The following SKIC8 variants were observed in gnomAD, a reference collection of about 807,000 sequenced individuals.
SKIC8 encodes superkiller complex protein 8.
chr15:78,288,520 C>G, the SKIC8 span: 2 of 768,180 alleles, frequency 2.6e-6, no homozygotes, highest in Non-Finnish European at 4.3e-6. Context: ...AGCAAGAGTT[C>G]TGATTGGGCC....
chr15:78,285,540 C>T, the SKIC8 span: 1 of 589,196 alleles, frequency 1.7e-6, no homozygotes, highest in South Asian at 2.0e-5. Flanking sequence ...CTGCCTGGCC[C>T]TCATATTAAT....
chr15:78,289,678 A>C, the SKIC8 span: 1 of 1,614,190 alleles, frequency 6.2e-7, no homozygotes, highest in Non-Finnish European at 8.5e-7. Context: ...GATTCCATCT[A>C]TGGCTCCACT....
At chr15:78,288,869 C>T in the SKIC8 span, 4 of 434,676 alleles carry the variant, frequency 9.2e-6, no homozygotes, top group Non-Finnish European at 1.8e-5. Flanking sequence ...CCCAGTCCTC[C>T]TTTCCAGAGG....
chr15:78,289,922 A>G, the SKIC8 span: 636 of 1,607,306 alleles, frequency 4.0e-4, 7 homozygotes, highest in South Asian at 6.2e-3. Flanking sequence ...AAAGAATCAG[A>G]AGGAGAACAG....
chr15:78,294,777 TG>T, the SKIC8 span: 11 of 602,246 alleles, frequency 1.8e-5, no homozygotes, highest in Admixed American at 3.1e-5. Context: ...TTTTTGTTGT[TG>T]TTGTTGTTGT....
At chr15:78,290,372 A>G in the SKIC8 span, among the ~76,000 whole-genome samples, 3 of 152,246 alleles carry the variant, frequency 2.0e-5, no homozygotes, top group Non-Finnish European at 2.9e-5. Context: ...AAAACGGCAC[A>G]GCCACTTTGA....
the SKIC8 span, among the ~76,000 whole-genome samples, chr15:78,297,543 A>G: frequency 6.6e-6 from 1 of 152,226 alleles, no homozygotes; most frequent in Non-Finnish European, 1.5e-5. Flanking sequence ...AAATTTAATA[A>G]CTACCATAAT....
At chr15:78,290,105 C>G in the SKIC8 span, 1 of 1,604,826 alleles carries the variant, frequency 6.2e-7, no homozygotes, top group Non-Finnish European at 8.5e-7. Context: ...ATCCACTGAA[C>G]AGAAAAAAGA....
the SKIC8 span, chr15:78,295,957 C>T: frequency 2.6e-6 from 1 of 391,250 alleles, no homozygotes; most frequent in Non-Finnish European, 4.5e-6. Flanking sequence ...CCCATGGTTT[C>T]TTCACCTCAA....
At chr15:78,283,625 A>G in the SKIC8 span, 1 of 865,722 alleles carries the variant, frequency 1.2e-6, no homozygotes, top group African/African-American at 1.7e-5. Context: ...ACCAAAACTG[A>G]GATGAGGATG....
the SKIC8 span, among the ~76,000 whole-genome samples, chr15:78,294,318 T>C: frequency 1.3e-5 from 2 of 152,174 alleles, no homozygotes; most frequent in African/African-American, 4.8e-5. Context: ...CTTCTCAAAC[T>C]CATCGAGGCT....
chr15:78,297,286 T>C, the SKIC8 span, among the ~76,000 whole-genome samples: 1 of 152,230 alleles, frequency 6.6e-6, no homozygotes, highest in Non-Finnish European at 1.5e-5. Flanking sequence ...TCACCTTGTT[T>C]GACTTCAGTT....
the SKIC8 span, chr15:78,285,389 G>T: frequency 1.3e-6 from 2 of 1,546,048 alleles, no homozygotes; most frequent in East Asian, 2.3e-5. Flanking sequence ...GAAGGACTTC[G>T]ACCAAAAATC....
chr15:78,284,865 G>A, the SKIC8 span: 27,331 of 175,408 alleles, frequency 0.16, 2,626 homozygotes, highest in Non-Finnish European at 0.21. Context: ...TCCCAAAAAT[G>A]ACAAGCGATG....
chr15:78,293,154 G>T, the SKIC8 span: 6 of 1,610,818 alleles, frequency 3.7e-6, no homozygotes, highest in Non-Finnish European at 5.1e-6. Flanking sequence ...TATGTTAGGG[G>T]AGAGGCACTC....
the SKIC8 span, chr15:78,295,951 T>C: frequency 1.0e-5 from 4 of 399,494 alleles, no homozygotes; most frequent in East Asian, 3.7e-5. Context: ...TTCTATCCCA[T>C]GGTTTCTTCA....
chr15:78,289,594 G>A, the SKIC8 span: 1 of 1,542,024 alleles, frequency 6.5e-7, no homozygotes, highest in African/African-American at 1.4e-5. Context: ...AACCCAGTTT[G>A]TCAAAATAAG....
the SKIC8 span, chr15:78,292,729 G>A: frequency 1.2e-6 from 2 of 1,614,202 alleles, no homozygotes; most frequent in Non-Finnish European, 1.7e-6. Context: ...GATGTCCACA[G>A]ACACCACTCC....
At chr15:78,292,858 G>T in the SKIC8 span, 1 of 1,568,782 alleles carries the variant, frequency 6.4e-7, no homozygotes, top group Non-Finnish European at 8.7e-7. Context: ...GAAATTCTGG[G>T]TCCCTGTGAC....
Sources: gnomAD v4.1 joint callset for allele counts (sites outside exome capture counted in the v4.1 genomes callset) on GRCh38, gnomAD v4.1.1 for gene constraint, MANE v1.5 for transcripts, NCBI Gene and HGNC (gene_info 2026-07-23, HGNC 2026-07-21) for gene names.